Variants in GRIA1 observed in about 807,000 individuals in gnomAD.
The protein encoded by GRIA1 is glutamate ionotropic receptor AMPA type subunit 1.
Under a neutral mutation model 99.2 loss-of-function variants are expected in GRIA1, and 31 were observed. The ratio of observed to expected loss-of-function variants is 0.31; its 90% CI spans 0.23 to 0.42. The LOEUF (loss-of-function observed/expected upper bound fraction) is 0.42, where lower values mean the gene tolerates loss of function less well. GRIA1 is among the 10% of genes least tolerant of loss of function. The probability of loss-of-function intolerance (pLI) is 1.00; values close to 1 mark genes in which losing one functional copy is unlikely to be tolerated. For synonymous variants in GRIA1, 438 were observed against 432.4 expected (o/e 1.01, Z -0.16); for missense variants, 782 against 1,157.5 (o/e 0.68, Z 4.71).
intron 11 of GRIA1, among the ~76,000 whole-genome samples, chr5:153,710,365 G>A (rs967324459): frequency 2.6e-5 from 4 of 152,000 alleles, no homozygotes; most frequent in African/African-American, 9.7e-5. Flanking sequence ...TGGGACTACA[G>A]GCACAAGCCT....
At chr5:153,685,194 T>TAAGTG (rs1757256650) in intron 7 of GRIA1, among the ~76,000 whole-genome samples, 1 of 152,234 alleles carries the variant, frequency 6.6e-6, no homozygotes, top group Non-Finnish European at 1.5e-5. Flanking sequence ...AAGAGGGATC[T>TAAGTG]GAGGACACAT....
chr5:153,639,000 C>T (rs905829373), intron 2 of GRIA1, among the ~76,000 whole-genome samples: 6 of 152,298 alleles, frequency 3.9e-5, no homozygotes, highest in South Asian at 2.1e-4. Flanking sequence ...CCAGAGCCTA[C>T]GGCCGAGAAA....
chr5:153,619,110 C>T (rs937551966), intron 2 of GRIA1, among the ~76,000 whole-genome samples: 3 of 152,144 alleles, frequency 2.0e-5, no homozygotes, highest in Non-Finnish European at 4.4e-5. Flanking sequence ...CTTGATAGGG[C>T]AATGGTCAGA....
intron 13 of GRIA1, among the ~76,000 whole-genome samples, chr5:153,777,179 C>G (rs1346674794): frequency 6.6e-6 from 1 of 152,122 alleles, no homozygotes; most frequent in African/African-American, 2.4e-5. Context: ...AACAAGTCCC[C>G]CAGGTGCCTC....
chr5:153,612,171 GA>G (rs1356211648), intron 2 of GRIA1, among the ~76,000 whole-genome samples: 1 of 152,250 alleles, frequency 6.6e-6, no homozygotes, highest in African/African-American at 2.4e-5. Context: ...AGGTGGGAAT[GA>G]ATAATCCCAG....
intron 2 of GRIA1, among the ~76,000 whole-genome samples, chr5:153,577,440 G>A (rs1342448356): frequency 1.3e-5 from 2 of 152,142 alleles, no homozygotes; most frequent in African/African-American, 4.8e-5. Flanking sequence ...ATGAAGCAAG[G>A]CCCTCACCCC....
chr5:153,774,053 T>C (rs1299142391), intron 13 of GRIA1, among the ~76,000 whole-genome samples: 1 of 124,316 alleles, frequency 8.0e-6, no homozygotes. Flanking sequence ...ACCACGCCTC[T>C]CCTACACCCC....
At chr5:153,669,695 C>G (rs963809067) in intron 5 of GRIA1, among the ~76,000 whole-genome samples, 1 of 152,152 alleles carries the variant, frequency 6.6e-6, no homozygotes, top group Admixed American at 6.5e-5. Context: ...CCCATTCTTT[C>G]CAATTCTATA....
chr5:153,680,402 G>T, intron 7 of GRIA1, among the ~76,000 whole-genome samples: 1 of 152,052 alleles, frequency 6.6e-6, no homozygotes, highest in East Asian at 1.9e-4. Flanking sequence ...CGGTGGAGAA[G>T]ACTCAACTCC....
chr5:153,544,817 T>C (rs897097777), intron 2 of GRIA1, among the ~76,000 whole-genome samples: 1 of 152,170 alleles, frequency 6.6e-6, no homozygotes, highest in Non-Finnish European at 1.5e-5. Flanking sequence ...AGTATTATGA[T>C]AAAGATAGAG....
Position 153,590,871 on chromosome 5 carries a change from C to G in GRIA1, c.221-56057C>G, listed in dbSNP as rs1337365053. Among the ~76,000 whole-genome samples, 4 of 152,250 alleles carry G rather than the reference C, an allele frequency of 2.6e-5. No individual in the cohort carries two copies. The East Asian group carries it at 7.7e-4, about 29-fold the overall frequency. On this transcript the variant is annotated intron_variant, in intron 2 of 15. Transcript: ENST00000285900. ...TACTGTGCTTGTTAGAAGAATACCA[C>G]CTTTTTTTCTTACCCTTTTAAAGTT...
chr5:153,655,218 G>A (rs1215415580), intron 4 of GRIA1, among the ~76,000 whole-genome samples: 1 of 152,104 alleles, frequency 6.6e-6, no homozygotes, highest in East Asian at 1.9e-4. Flanking sequence ...TCTAAGTTGG[G>A]CAATCCATTA....
intron 11 of GRIA1, 45 bp from the exon 12 acceptor site, chr5:153,764,389 C>T: frequency 6.7e-7 from 1 of 1,482,252 alleles, no homozygotes; most frequent in South Asian, 1.1e-5. Context: ...GAGCTTTCCA[C>T]AGTTGATGTC....
chr5:153,506,333 G>GTGTT (rs2113278278), intron 2 of GRIA1, among the ~76,000 whole-genome samples: 1 of 151,480 alleles, frequency 6.6e-6, no homozygotes, highest in South Asian at 2.1e-4. Context: ...GTGTGTGTGT[G>GTGTT]TGTGTGTGTG....
chr5:153,510,906 G>T (rs1022370157), intron 2 of GRIA1, among the ~76,000 whole-genome samples: 1 of 152,112 alleles, frequency 6.6e-6, no homozygotes, highest in Non-Finnish European at 1.5e-5. Flanking sequence ...ATGTTCTGAG[G>T]ATATTAATAG....
At chr5:153,630,973 C>A (rs1377438427) in intron 2 of GRIA1, among the ~76,000 whole-genome samples, 1 of 152,184 alleles carries the variant, frequency 6.6e-6, no homozygotes, top group Non-Finnish European at 1.5e-5. Flanking sequence ...CTGGAAATAA[C>A]TGTGTTTGCA....
At chr5:153,576,110 C>G (rs1442078341) in intron 2 of GRIA1, among the ~76,000 whole-genome samples, 1 of 152,206 alleles carries the variant, frequency 6.6e-6, no homozygotes, top group African/African-American at 2.4e-5. Flanking sequence ...CATCTAACTT[C>G]TGTGAGCCTC....
intron 6 of GRIA1, 124 bp downstream of exon 6, chr5:153,674,785 T>G: frequency 9.6e-7 from 1 of 1,038,592 alleles, no homozygotes; most frequent in Non-Finnish European, 1.4e-6. Context: ...CAGGGAAATA[T>G]ATTTGTAAAG....
intron 2 of GRIA1, among the ~76,000 whole-genome samples, chr5:153,524,456 T>C (rs1385573418): frequency 7.7e-6 from 1 of 130,596 alleles, no homozygotes; most frequent in Non-Finnish European, 1.6e-5. Flanking sequence ...TGGATACAAA[T>C]CTTTCCTGGT....
Sources: gnomAD v4.1 joint callset for allele counts (sites outside exome capture counted in the v4.1 genomes callset) on GRCh38, gnomAD v4.1.1 for gene constraint, MANE v1.5 for transcripts, NCBI Gene and HGNC (gene_info 2026-07-23, HGNC 2026-07-21) for gene names.